CLEC16A: variants seen among roughly 807,000 people sequenced by gnomAD.
CLEC16A encodes protein CLEC16A.
Under a neutral mutation model 109.5 loss-of-function variants are expected in CLEC16A, and 51 were observed. The observed-to-expected ratio is 0.47, with a 90% CI of 0.37 to 0.59. The LOEUF (loss-of-function observed/expected upper bound fraction) is 0.59, where lower values mean the gene tolerates loss of function less well. Among genes scored for constraint, CLEC16A ranks in the 20% least tolerant of loss-of-function variants. The pLI, the probability that CLEC16A is intolerant of heterozygous loss-of-function variation, is 0.00. For missense variants in CLEC16A, 1,339 were observed against 1,394.0 expected (o/e 0.96, Z 0.63); for synonymous variants, 673 against 564.2 (o/e 1.19, Z -2.73).
chr16:10,964,900 G>T (rs7187539), intron 3 of CLEC16A, among the ~76,000 whole-genome samples: 31,743 of 151,926 alleles, frequency 0.21, 4,358 homozygotes, highest in African/African-American at 0.4. Flanking sequence ...GTGCACCTTG[G>T]GTGATGAAAA....
chr16:11,119,484 G>A (rs1186843486), intron 19 of CLEC16A, among the ~76,000 whole-genome samples: 2 of 152,098 alleles, frequency 1.3e-5, no homozygotes, highest in Non-Finnish European at 2.9e-5. Flanking sequence ...GAACCACCCT[G>A]GGCTCAAGCC....
intron 10 of CLEC16A, among the ~76,000 whole-genome samples, chr16:10,996,327 G>T (rs1337107590): frequency 1.3e-5 from 2 of 152,182 alleles, no homozygotes; most frequent in East Asian, 1.9e-4. Flanking sequence ...AAGTCCAGCG[G>T]CTGTGCATCT....
chr16:11,043,416 A>G (rs2047455709), intron 15 of CLEC16A, among the ~76,000 whole-genome samples: 1 of 152,152 alleles, frequency 6.6e-6, no homozygotes, highest in South Asian at 2.1e-4. Context: ...TTGGAAAAGT[A>G]AAATAAAAAA....
At chr16:11,089,332 C>T (rs901140713) in intron 19 of CLEC16A, among the ~76,000 whole-genome samples, 2 of 152,158 alleles carry the variant, frequency 1.3e-5, no homozygotes, top group African/African-American at 4.8e-5. Flanking sequence ...TATCTGCCGT[C>T]ATTGCATTAA....
intron 19 of CLEC16A, among the ~76,000 whole-genome samples, chr16:11,116,615 G>A (rs2052014054): frequency 6.6e-6 from 1 of 152,166 alleles, no homozygotes; most frequent in Non-Finnish European, 1.5e-5. Flanking sequence ...GGCATATGTT[G>A]CTGGGGGTTA....
chr16:10,958,398 T>A (rs2042092205), intron 2 of CLEC16A, among the ~76,000 whole-genome samples: 1 of 152,104 alleles, frequency 6.6e-6, no homozygotes, highest in Non-Finnish European at 1.5e-5. Flanking sequence ...ACATAGCTGG[T>A]AAGCGGTGGA....
intron 7 of CLEC16A, among the ~76,000 whole-genome samples, chr16:10,975,853 T>C (rs747341759): frequency 1.5e-4 from 23 of 152,088 alleles, no homozygotes; most frequent in Non-Finnish European, 3.4e-4. Context: ...GGTTTCACCA[T>C]GTTGGCCAGG....
chr16:11,075,212 G>A (rs1020333595), intron 19 of CLEC16A, among the ~76,000 whole-genome samples: 4 of 152,184 alleles, frequency 2.6e-5, no homozygotes, highest in Admixed American at 2.6e-4. Context: ...CACAAAGGAA[G>A]GGACTTAGTG....
intron 10 of CLEC16A, among the ~76,000 whole-genome samples, chr16:10,983,776 G>A (rs1268382114): frequency 6.6e-6 from 1 of 152,074 alleles, no homozygotes; most frequent in Non-Finnish European, 1.5e-5. Context: ...AGCATGTCCA[G>A]CATTTGTGCC....
intron 22 of CLEC16A, among the ~76,000 whole-genome samples, chr16:11,155,369 G>A (rs559101668): frequency 1.1e-3 from 168 of 152,286 alleles, no homozygotes; most frequent in African/African-American, 3.8e-3. Flanking sequence ...CCAGAGCCAC[G>A]GCACTCTCCT....
chr16:11,146,142 CAGA>C (rs1207053913), intron 22 of CLEC16A, among the ~76,000 whole-genome samples: 1 of 152,194 alleles, frequency 6.6e-6, no homozygotes, highest in East Asian at 1.9e-4. Flanking sequence ...CTCACCATCT[CAGA>C]AGGTCTTGCC....
intron 19 of CLEC16A, among the ~76,000 whole-genome samples, chr16:11,120,295 C>T (rs919323097): frequency 3.3e-5 from 5 of 152,226 alleles, no homozygotes; most frequent in African/African-American, 1.2e-4. Context: ...TAAGCTACGG[C>T]TTGAGCACCT....
In CLEC16A at chr16:11,082,715, C is replaced by A. The variant is rs953084643; in HGVS notation, c.2116+21693C>A. On this transcript the variant is annotated intron_variant, in intron 19 of 23. Transcript: ENST00000409790. ...TCTTCTGGAAGGAAAGGAACGCTTT[C>A]TTCCTTTAAGGCCTAAGACTCACAG... Among the ~76,000 whole-genome samples the A allele has an allele frequency of 3.3e-5, 5 of 152,328 alleles. No individual in the cohort carries two copies. The South Asian group carries it at 1.0e-3, about 32-fold the overall frequency.
At chr16:10,967,387 G>A (rs1406446896) in intron 3 of CLEC16A, among the ~76,000 whole-genome samples, 3 of 152,040 alleles carry the variant, frequency 2.0e-5, no homozygotes, top group Non-Finnish European at 4.4e-5. Flanking sequence ...CCTGGAATAT[G>A]GTAGAGATTT....
intron 23 of CLEC16A, among the ~76,000 whole-genome samples, chr16:11,175,344 C>T (rs887190949): frequency 2.6e-5 from 4 of 152,206 alleles, no homozygotes; most frequent in African/African-American, 9.7e-5. Flanking sequence ...CTCTGTCTCC[C>T]CAGCCCGTGG....
chr16:11,078,318 C>T (rs2049506739), intron 19 of CLEC16A, among the ~76,000 whole-genome samples: 1 of 152,248 alleles, frequency 6.6e-6, no homozygotes, highest in Non-Finnish European at 1.5e-5. Flanking sequence ...TTCAAATGCT[C>T]CCTAAAGGAT....
At chr16:11,012,065 A>G (rs531980370) in intron 11 of CLEC16A, among the ~76,000 whole-genome samples, 1 of 152,344 alleles carries the variant, frequency 6.6e-6, no homozygotes, top group Non-Finnish European at 1.5e-5. Flanking sequence ...TATAGAGGAT[A>G]TATAGCTGAG....
chr16:11,083,109 T>C (rs1358412408), intron 19 of CLEC16A, among the ~76,000 whole-genome samples: 1 of 151,976 alleles, frequency 6.6e-6, no homozygotes, highest in Non-Finnish European at 1.5e-5. Context: ...GCTCACCATG[T>C]AGGGGGATTG....
At position 11,166,529 on chromosome 16, in the gene CLEC16A, C is replaced by T. The variant is rs74163625; in HGVS notation, c.2783C>T (p.Pro928Leu). 1 of 1,605,690 alleles carries T rather than the reference C, an allele frequency of 6.2e-7. No individual in the cohort carries two copies. Among genetic ancestry groups the T allele is most frequent in the Non-Finnish European group, 8.5e-7 (1 of 1,177,846 alleles). The part of the protein sequence containing the change: ...DSGGTSSSST[P>L]STAQSPADAP... ...GGAGGCACCAGCTCGTCCTCCACCC[C>T]CTCCACAGCCCAGAGTCCAGCAGGT... The change falls in exon 23 of 24, where the codon CCC becomes CTC. Residue 928 changes from proline (P) to leucine (L), a missense_variant. Around this residue, in one of 3 missense-constraint regions of CLEC16A, gnomAD observed 1,061 missense variants for 1,006.8 expected, o/e 1.05. Transcript: ENST00000409790.
Sources: allele counts gnomAD v4.1 joint callset (sites outside exome capture counted in the v4.1 genomes callset), GRCh38; gene constraint gnomAD v4.1.1; regional missense constraint gnomAD v4.1.1; transcripts MANE v1.5; gene names NCBI Gene and HGNC (gene_info 2026-07-23, HGNC 2026-07-21).